The following FSTL4 variants were observed in gnomAD, a reference collection of about 807,000 sequenced individuals.
FSTL4 encodes follistatin-related protein 4.
FSTL4 carries 28 observed loss-of-function variants against 78.2 expected under a neutral mutation model. That is an observed-to-expected ratio of 0.36 (90% CI 0.27 to 0.49). The LOEUF is 0.49. FSTL4 is among the 20% of genes least tolerant of loss of function. The pLI is 0.98. For missense variants in FSTL4, 922 were observed against 1,084.9 expected, an observed-to-expected ratio of 0.85 and a Z score of 2.11; for synonymous variants, 422 against 440.5, an observed-to-expected ratio of 0.96 and a Z score of 0.53.
chr5:133,795,264 G>A, the FSTL4 span, among the ~76,000 whole-genome samples: 5 of 152,314 alleles, frequency 3.3e-5, no homozygotes, highest in Middle Eastern at 3.4e-3. Flanking sequence ...AACTCAGGCC[G>A]GCAAGGGGAT....
chr5:133,291,353 C>T lies in FSTL4; in HGVS notation c.727+21301G>A, dbSNP rs552746419. 1.1e-4 allele frequency among the ~76,000 whole-genome samples: 16 copies of T among 152,290 alleles called. No individual in the cohort carries two copies. In the South Asian group the frequency reaches 2.7e-3, roughly 26 times the overall value. ...GGGCAGAGTAAATTGAGGGGAGCAG[C>T]GCACCTGAGTGTCTCAGACAGGCCC... On this transcript the variant is annotated intron_variant, in intron 6 of 15. Transcript: ENST00000265342.
chr5:133,478,510 C>A (rs1282950759), intron 3 of FSTL4, among the ~76,000 whole-genome samples: 1 of 152,172 alleles, frequency 6.6e-6, no homozygotes, highest in Non-Finnish European at 1.5e-5. Flanking sequence ...ATGCATTCCC[C>A]ATATTACAGG....
At chr5:133,529,377 TTC>T (rs1759203081) in intron 3 of FSTL4, among the ~76,000 whole-genome samples, 1 of 152,182 alleles carries the variant, frequency 6.6e-6, no homozygotes, top group African/African-American at 2.4e-5. Context: ...AGGTGTCTCC[TTC>T]TCTGTCTTCC....
At chr5:133,523,979 G>C (rs1001472424) in intron 3 of FSTL4, among the ~76,000 whole-genome samples, 1 of 152,218 alleles carries the variant, frequency 6.6e-6, no homozygotes, top group African/African-American at 2.4e-5. Flanking sequence ...GAAGACGGGT[G>C]TCCTTGTGAC....
chr5:133,365,302 C>A (rs1755160222), intron 4 of FSTL4, among the ~76,000 whole-genome samples: 1 of 152,096 alleles, frequency 6.6e-6, no homozygotes, highest in Non-Finnish European at 1.5e-5. Flanking sequence ...TGAAAGAGAT[C>A]AACTTTTAGG....
the FSTL4 span, among the ~76,000 whole-genome samples, chr5:133,716,399 A>G: frequency 1.3e-5 from 2 of 149,548 alleles, no homozygotes; most frequent in African/African-American, 4.9e-5. Flanking sequence ...ATATATATAT[A>G]TTCTTATATA....
At chr5:133,629,636 A>T in the FSTL4 span, among the ~76,000 whole-genome samples, 1 of 152,220 alleles carries the variant, frequency 6.6e-6, no homozygotes, top group Admixed American at 6.5e-5. Context: ...CTCTTCCCTA[A>T]CTCATTTTAT....
chr5:133,303,333 T>C (rs372428064), intron 6 of FSTL4, among the ~76,000 whole-genome samples: 2 of 152,192 alleles, frequency 1.3e-5, no homozygotes, highest in South Asian at 2.1e-4. Flanking sequence ...TGAGAAAATC[T>C]CAGATGGGGC....
At chr5:133,673,997 C>T in the FSTL4 span, among the ~76,000 whole-genome samples, 1 of 152,178 alleles carries the variant, frequency 6.6e-6, no homozygotes, top group Non-Finnish European at 1.5e-5. Flanking sequence ...CATATTTAAA[C>T]TTTTGTGATG....
At chr5:133,394,205 C>T (rs1018055221) in intron 4 of FSTL4, among the ~76,000 whole-genome samples, 1 of 152,246 alleles carries the variant, frequency 6.6e-6, no homozygotes, top group Non-Finnish European at 1.5e-5. Flanking sequence ...ATGCTGGTAG[C>T]CCTTGCTCAC....
the FSTL4 span, among the ~76,000 whole-genome samples, chr5:133,764,460 G>T: frequency 1.3e-5 from 2 of 152,158 alleles, no homozygotes; most frequent in African/African-American, 4.8e-5. Flanking sequence ...CCTTCATGAG[G>T]CATCTCATCT....
rs772710359 is a variant in FSTL4, at chr5:133,217,224, T to G, written c.1608+5A>C. 17 of 1,612,284 alleles carry G rather than the reference T, an allele frequency of 1.1e-5. No homozygotes were observed. The highest frequency in any genetic ancestry group is 1.7e-5 in the Admixed American group (1 of 59,890). On this transcript the variant is annotated splice_donor_5th_base_variant and intron_variant, in intron 13 of 15. Transcript: ENST00000265342. ...AGTTTTCCTCACTCCATTAAAGAGG[T>G]GTACCTGTAGGACTTTCTGGGCTTG...
the FSTL4 span, among the ~76,000 whole-genome samples, chr5:133,683,168 T>G: frequency 6.6e-6 from 1 of 152,204 alleles, no homozygotes; most frequent in Non-Finnish European, 1.5e-5. Flanking sequence ...TTGCATATTT[T>G]GAGACCAGCT....
the FSTL4 span, among the ~76,000 whole-genome samples, chr5:133,662,185 AATCCAAACTCCCT>A: frequency 9.7e-4 from 148 of 152,376 alleles, no homozygotes; most frequent in Middle Eastern, 0.017. Context: ...GCTTTAAAAA[AATCCAAACTCCCT>A]ATATAGTGGC....
chr5:133,760,780 G>T, the FSTL4 span, among the ~76,000 whole-genome samples: 1 of 152,154 alleles, frequency 6.6e-6, no homozygotes, highest in Non-Finnish European at 1.5e-5. Context: ...AAAAAAGCAA[G>T]AAAAATGAAT....
rs565983093 is a variant in FSTL4 at position 133,259,065 on chromosome 5, A to G, written c.728-9489T>C. ...CTGGGGGTGGGGGGTGTCTCAGAAT[A>G]GGCTGGCAGAGAACATGCAAACAAA... On this transcript the variant is annotated intron_variant, in intron 6 of 15. Transcript: ENST00000265342. Among the ~76,000 whole-genome samples, 4 of 152,004 alleles carry G rather than the reference A, an allele frequency of 2.6e-5. No homozygotes were observed. The East Asian group carries it at 7.8e-4, about 30-fold the overall frequency.
intron 3 of FSTL4, among the ~76,000 whole-genome samples, chr5:133,478,186 T>G (rs1275921128): frequency 6.6e-6 from 1 of 152,192 alleles, no homozygotes; most frequent in Non-Finnish European, 1.5e-5. Flanking sequence ...ACATAACCGA[T>G]TCCCTGATTT....
chr5:133,833,899 T>A, the FSTL4 span, among the ~76,000 whole-genome samples: 1 of 152,156 alleles, frequency 6.6e-6, no homozygotes, highest in Non-Finnish European at 1.5e-5. Flanking sequence ...AGAAACAAAC[T>A]AGAAAGAGCC....
At chr5:133,230,762 T>A (rs1406169976) in intron 8 of FSTL4, among the ~76,000 whole-genome samples, 1 of 152,136 alleles carries the variant, frequency 6.6e-6, no homozygotes, top group Non-Finnish European at 1.5e-5. Context: ...ATCATGCCAA[T>A]CTCCACTAGA....
Sources: allele counts gnomAD v4.1 joint callset (sites outside exome capture counted in the v4.1 genomes callset), GRCh38; gene constraint gnomAD v4.1.1; transcripts MANE v1.5; gene names NCBI Gene and HGNC (gene_info 2026-07-23, HGNC 2026-07-21).